SEMA6D: variants seen among roughly 807,000 people sequenced by gnomAD.
The protein encoded by SEMA6D is semaphorin 6D, also known as semaphorin-6D.
Under a neutral mutation model 106.6 loss-of-function variants are expected in SEMA6D, and 35 were observed. The ratio of observed to expected loss-of-function variants is 0.33; its 90% CI spans 0.25 to 0.44. The LOEUF (loss-of-function observed/expected upper bound fraction) is 0.44. Ranked by LOEUF, SEMA6D falls within the 20% of genes least tolerant of loss-of-function variation. The pLI is 1.00. For synonymous variants in SEMA6D, 499 were observed against 487.7 expected (o/e 1.02, Z -0.31); for missense variants, 1,185 against 1,345.9 (o/e 0.88, Z 1.87).
chr15:47,199,618 C>G (rs1894585839), intron 1 of SEMA6D, among the ~76,000 whole-genome samples: 1 of 152,148 alleles, frequency 6.6e-6, no homozygotes, highest in South Asian at 2.1e-4. Context: ...GAAAACCTAA[C>G]TACAGAAGAG....
intron 4 of SEMA6D, among the ~76,000 whole-genome samples, chr15:47,607,234 A>T (rs1316644087): frequency 6.6e-6 from 1 of 152,210 alleles, no homozygotes; most frequent in Non-Finnish European, 1.5e-5. Context: ...CAGTCACCAC[A>T]TACTCTAATT....
chr15:47,439,710 C>T (rs1405368801), intron 2 of SEMA6D, among the ~76,000 whole-genome samples: 1 of 152,134 alleles, frequency 6.6e-6, no homozygotes, highest in African/African-American at 2.4e-5. Context: ...TACCTAATTT[C>T]CACCCTGTGG....
intron 3 of SEMA6D, among the ~76,000 whole-genome samples, chr15:47,592,740 T>G (rs1377509184): frequency 6.6e-6 from 1 of 152,224 alleles, no homozygotes; most frequent in African/African-American, 2.4e-5. Flanking sequence ...TTATTTGCAT[T>G]GTATAGTAGC....
chr15:47,435,796 ATAT>A (rs1431072167), intron 2 of SEMA6D, among the ~76,000 whole-genome samples: 1 of 152,102 alleles, frequency 6.6e-6, no homozygotes, highest in East Asian at 1.9e-4. Flanking sequence ...CCCTATAGTC[ATAT>A]TATTGTGTTT....
intron 1 of SEMA6D, among the ~76,000 whole-genome samples, chr15:47,227,437 C>CTTTCTTTCTTTCTTTCTTTCT (rs1555407193): frequency 2.2e-5 from 2 of 92,542 alleles, no homozygotes; most frequent in Non-Finnish European, 4.7e-5. Context: ...TTCTTTCTTT[C>CTTTCTTTCTTTCTTTCTTTCT]TTTTCTTTCT....
chr15:47,429,753 A>AATAT (rs35209271), intron 2 of SEMA6D, among the ~76,000 whole-genome samples: 4 of 151,986 alleles, frequency 2.6e-5, no homozygotes, highest in South Asian at 2.1e-4. Context: ...ATTTAAAGAT[A>AATAT]ATATATATAT....
At chr15:47,654,735 T>C (rs1487629205) in intron 4 of SEMA6D, among the ~76,000 whole-genome samples, 1 of 152,234 alleles carries the variant, frequency 6.6e-6, no homozygotes, top group Non-Finnish European at 1.5e-5. Flanking sequence ...TCTCTCTTGC[T>C]CCTGCTTTTG....
intron 4 of SEMA6D, among the ~76,000 whole-genome samples, chr15:47,628,978 A>T (rs748989739): frequency 5.3e-5 from 8 of 152,062 alleles, no homozygotes; most frequent in Non-Finnish European, 1.0e-4. Flanking sequence ...GCTCCAGCAC[A>T]TTTGATGAAA....
At chr15:47,657,496 A>G (rs931123425) in intron 4 of SEMA6D, among the ~76,000 whole-genome samples, 6 of 152,068 alleles carry the variant, frequency 3.9e-5, no homozygotes, top group Admixed American at 2.6e-4. Context: ...GATTACAGGT[A>G]TATAAGGAAG....
chr15:47,596,161 A>G (rs974248522), intron 3 of SEMA6D, among the ~76,000 whole-genome samples: 1 of 152,118 alleles, frequency 6.6e-6, no homozygotes, highest in Non-Finnish European at 1.5e-5. Flanking sequence ...AATTATCCAA[A>G]AAAGAAATTT....
Position 47,765,939 on chromosome 15 carries a change from T to C in SEMA6D, c.1498T>C (p.Tyr500His). 6.3e-7 allele frequency: 1 copy of C among 1,583,948 alleles called. No individual in the cohort carries two copies. Among genetic ancestry groups the C allele is most frequent in the South Asian group, 1.2e-5 (1 of 85,084 alleles). Residue 500 changes from tyrosine (Y) to histidine (H), a missense_variant, in exon 14 of 19, where the codon TAT becomes CAT. Coordinates refer to ENST00000536845, the MANE Select transcript of SEMA6D (RefSeq NM_001358351.3). ...LQLDKDHHAL[Y>H]VAFSSCIIRI... Reference sequence around the variant, plus strand: ...GTTGGATAAAGATCACCACGCTTTATATGTGGCGTTCTCTAGCTGCATTAT... The same window carrying C: ...GTTGGATAAAGATCACCACGCTTTACATGTGGCGTTCTCTAGCTGCATTAT...
At chr15:47,535,118 CA>C (rs772738930) in intron 3 of SEMA6D, among the ~76,000 whole-genome samples, 1,783 of 143,992 alleles carry the variant, frequency 0.012, 10 homozygotes, top group Admixed American at 0.021. Flanking sequence ...CACAAAAAAA[CA>C]CAAAAAACAA....
intron 1 of SEMA6D, among the ~76,000 whole-genome samples, chr15:47,268,948 A>G (rs1595588710): frequency 1.3e-5 from 2 of 152,028 alleles, no homozygotes; most frequent in Admixed American, 1.3e-4. Context: ...TAGTTTTACT[A>G]TTAATCTAGA....
intron 1 of SEMA6D, among the ~76,000 whole-genome samples, chr15:47,719,771 C>T (rs1275911242): frequency 6.6e-6 from 1 of 152,176 alleles, no homozygotes; most frequent in African/African-American, 2.4e-5. Context: ...GCTTTTGATA[C>T]TGGTTTACTC....
intron 3 of SEMA6D, among the ~76,000 whole-genome samples, chr15:47,579,541 C>T (rs775452089): frequency 1.2e-4 from 19 of 152,172 alleles, no homozygotes; most frequent in Non-Finnish European, 2.4e-4. Context: ...TGTTTCCTCT[C>T]CCAAGGCAGG....
At position 47,659,724 on chromosome 15, in the gene SEMA6D, G is replaced by A. The variant is rs568919487; in HGVS notation, c.-55+58828G>A. Among the ~76,000 whole-genome samples the A allele has an allele frequency of 1.2e-4, 19 of 152,192 alleles. 1 individual carries two copies. The highest frequency in any genetic ancestry group is 1.9e-4 in the East Asian group (1 of 5,184). On this transcript the variant is annotated intron_variant, in intron 4 of 19. Coordinates refer to the SEMA6D transcript ENST00000558014. ...CATATACAAAGTTCTTAAAGTTCACGAAAGGAAAGGACTAAGGTCATGAAT... is the reference window on the plus strand; with the variant it reads ...CATATACAAAGTTCTTAAAGTTCACAAAAGGAAAGGACTAAGGTCATGAAT...
chr15:47,650,886 A>T (rs1377229716), intron 4 of SEMA6D, among the ~76,000 whole-genome samples: 1 of 152,192 alleles, frequency 6.6e-6, no homozygotes, highest in Non-Finnish European at 1.5e-5. Flanking sequence ...CTTAAAAATT[A>T]TCTGGAAGTC....
At chr15:47,755,166 G>C (rs2081645226) in intron 1 of SEMA6D, among the ~76,000 whole-genome samples, 1 of 151,932 alleles carries the variant, frequency 6.6e-6, no homozygotes, top group South Asian at 2.1e-4. Flanking sequence ...TGGTCAGGCT[G>C]GTCTCAAACT....
Position 47,770,716 on chromosome 15 carries a change from A to G in SEMA6D, c.2153A>G (p.Asn718Ser). The G allele has an allele frequency of 1.2e-6, 2 of 1,614,106 alleles. No homozygotes were observed. Among genetic ancestry groups the G allele is most frequent in the Non-Finnish European group, 1.7e-6 (2 of 1,179,992 alleles). ...TCCAGTGGAAGTTTTGCCAAACTGA[A>G]TGGTCTCTTTGACAGCCCTGTCAAG... ...TDSSGSFAKL[N>S]GLFDSPVKEY... The change falls in exon 19 of 19, where the codon AAT becomes AGT. Residue 718 changes from asparagine (N) to serine (S), a missense_variant. Physicochemically the swap from Asn to Ser is conservative, Grantham distance 46. Coordinates refer to ENST00000536845, the MANE Select transcript of SEMA6D (RefSeq NM_001358351.3).
Sources: allele counts gnomAD v4.1 joint callset (sites outside exome capture counted in the v4.1 genomes callset), GRCh38; gene constraint gnomAD v4.1.1; transcripts MANE v1.5; gene names NCBI Gene and HGNC (gene_info 2026-07-23, HGNC 2026-07-21).